Variants in GRIN2B observed in about 807,000 individuals in gnomAD.
The protein encoded by GRIN2B is glutamate ionotropic receptor NMDA type subunit 2B, also known as glutamate receptor ionotropic, NMDA 2B.
A neutral mutation model predicts 114.5 loss-of-function variants in GRIN2B; 5 were observed. That is an observed-to-expected ratio of 0.04 (90% CI 0.02 to 0.09). GRIN2B has a LOEUF of 0.09. Ranked by LOEUF, GRIN2B falls within the 10% of genes least tolerant of loss-of-function variation. The pLI, the probability that GRIN2B is intolerant of heterozygous loss-of-function variation, is 1.00. For missense variants in GRIN2B, 1,108 were observed against 1,943.5 expected, an observed-to-expected ratio of 0.57 and a Z score of 8.08; for synonymous variants, 787 against 745.1, an observed-to-expected ratio of 1.06 and a Z score of -0.92.
chr12:13,891,542 A>C (rs1404360348), intron 2 of GRIN2B, among the ~76,000 whole-genome samples: 1 of 152,192 alleles, frequency 6.6e-6, no homozygotes. Context: ...CATGGTTAAG[A>C]CTGTCAGCAG....
chr12:13,717,219 G>A (rs1162045652), intron 4 of GRIN2B, among the ~76,000 whole-genome samples: 2 of 151,546 alleles, frequency 1.3e-5, no homozygotes, highest in Non-Finnish European at 2.9e-5. Context: ...AAGTGGTTAT[G>A]AATCCCAGGA....
In GRIN2B at chr12:13,563,257, C is replaced by G. The variant is rs201670483; in HGVS notation, c.3981G>C (p.Lys1327Asn). 4 of 1,614,222 alleles carry G rather than the reference C, an allele frequency of 2.5e-6. No homozygotes were observed. Among genetic ancestry groups the G allele is most frequent in the Non-Finnish European group, 3.4e-6 (4 of 1,180,044 alleles). ...AGGGGCTCCCATCCATGAATCGGCCCTTGTCTTTCAGGCTTACGCTGCGCG... is the reference window on the plus strand; with the variant it reads ...AGGGGCTCCCATCCATGAATCGGCCGTTGTCTTTCAGGCTTACGCTGCGCG... ...LAPRSVSLKD[K>N]GRFMDGSPYA... The change falls in exon 14 of 14, where the codon AAG becomes AAC. Residue 1327 changes from lysine (K) to asparagine (N), a missense_variant. By Grantham distance (94) the Lys-to-Asn change is moderately conservative. Coordinates refer to ENST00000609686, the MANE Select transcript of GRIN2B (RefSeq NM_000834.5).
rs1950429904 is a variant in GRIN2B, at chr12:13,713,278, C to T, written c.1011-37419G>A. Among the ~76,000 whole-genome samples the T allele has an allele frequency of 2.0e-5, 3 of 151,826 alleles. 1 individual carries two copies. Among genetic ancestry groups the T allele is most frequent in the African/African-American group, 7.3e-5 (3 of 41,376 alleles). On this transcript the variant is annotated intron_variant, in intron 4 of 13. Coordinates refer to ENST00000609686, the MANE Select transcript of GRIN2B (RefSeq NM_000834.5). The stretch of plus-strand genomic sequence containing the variant: ...TTATGCTCCTAGCAGACATAATTAG[C>T]AGACACTGATGATGTCATTCCACCA...
intron 9 of GRIN2B, among the ~76,000 whole-genome samples, chr12:13,610,850 G>A (rs1949357929): frequency 6.6e-6 from 1 of 152,154 alleles, no homozygotes; most frequent in Admixed American, 6.5e-5. Context: ...TGAGGTCCAA[G>A]CACCTGTGTC....
chr12:13,764,176 T>C lies in GRIN2B; in HGVS notation c.412-10261A>G, dbSNP rs371585580. On this transcript the variant is annotated intron_variant, in intron 3 of 13. Transcript: ENST00000609686. ...AGAAAAGAGCCTATCCTTCTCTATA[T>C]CCATACCAAAAAAAAAAAAAAAAAG... Among the ~76,000 whole-genome samples, 271 of 123,730 alleles carry C rather than the reference T, an allele frequency of 2.2e-3. 1 individual carries two copies. The highest frequency in any genetic ancestry group is 8.3e-3 in the African/African-American group (253 of 30,570). 81.2% of individuals were successfully genotyped at this position (123,730 alleles called of 152,430 possible).
chr12:13,703,934 T>G (rs959240092), intron 4 of GRIN2B, among the ~76,000 whole-genome samples: 10 of 152,098 alleles, frequency 6.6e-5, no homozygotes, highest in African/African-American at 2.4e-4. Context: ...ATATACCCAG[T>G]ATACAGATTC....
intron 4 of GRIN2B, among the ~76,000 whole-genome samples, chr12:13,737,482 A>C (rs1241852941): frequency 6.6e-6 from 1 of 152,192 alleles, no homozygotes; most frequent in Admixed American, 6.5e-5. Context: ...AAATGCTGGG[A>C]TTACAGGCTT....
chr12:13,571,920 G>A lies in GRIN2B; in HGVS notation c.2055C>T (p.Thr685=), dbSNP rs375843467. 42 of 1,613,926 alleles carry A rather than the reference G, an allele frequency of 2.6e-5. No homozygotes were observed. Among genetic ancestry groups the A allele is most frequent in the South Asian group, 4.4e-5 (4 of 91,066 alleles). Residue 685 remains threonine, a synonymous_variant, in exon 11 of 14, where the codon ACC becomes ACT. Transcript: ENST00000609686. ...TTCTCTCTGTGCTGCCGTTGGGCAC[G>A]GTCCCAAAGCGGAAAGGGGGTGAGA... The part of the protein sequence containing the change: ...NDFSPPFRFG[T]VPNGSTERNI...
intron 2 of GRIN2B, among the ~76,000 whole-genome samples, chr12:13,885,808 G>T (rs1271084645): frequency 2.0e-5 from 3 of 152,204 alleles, no homozygotes; most frequent in Non-Finnish European, 4.4e-5. Flanking sequence ...GGAAATAAAG[G>T]TGGTAACGGT....
chr12:13,566,089 T>G (rs1948635592), intron 13 of GRIN2B, among the ~76,000 whole-genome samples: 1 of 152,134 alleles, frequency 6.6e-6, no homozygotes, highest in East Asian at 1.9e-4. Context: ...AGTTCCAGCC[T>G]CCTGTTCTGA....
chr12:13,787,176 C>T (rs1864236489), intron 3 of GRIN2B, among the ~76,000 whole-genome samples: 2 of 152,152 alleles, frequency 1.3e-5, no homozygotes, highest in African/African-American at 2.4e-5. Context: ...GGAGAAGTGG[C>T]CACTGAATAT....
At chr12:13,888,543 G>A (rs1351325194) in intron 2 of GRIN2B, among the ~76,000 whole-genome samples, 1 of 151,940 alleles carries the variant, frequency 6.6e-6, no homozygotes, top group African/African-American at 2.4e-5. Context: ...AGACCAGCCT[G>A]GCCAATGTGG....
At chr12:13,729,840 A>T (rs1053229460) in intron 4 of GRIN2B, among the ~76,000 whole-genome samples, 1 of 148,366 alleles carries the variant, frequency 6.7e-6, no homozygotes, top group Non-Finnish European at 1.5e-5. Flanking sequence ...TGGGAGGATA[A>T]GGGTGAGGAG....
At chr12:13,671,972 G>A (rs1447097496) in intron 5 of GRIN2B, among the ~76,000 whole-genome samples, 1 of 152,140 alleles carries the variant, frequency 6.6e-6, no homozygotes, top group Non-Finnish European at 1.5e-5. Flanking sequence ...GTTAGACAGT[G>A]TGACGGGGTG....
Position 13,546,344 on chromosome 12 carries a change from G to A in GRIN2B, c.*16439C>T, listed in dbSNP as rs1435277527. ...AATGCTTATCAATGTCTGTCTGGAAGAAAGCCTACGTCTCTTTCTAAAGCC... is the reference window on the plus strand; with the variant it reads ...AATGCTTATCAATGTCTGTCTGGAAAAAAGCCTACGTCTCTTTCTAAAGCC... On this transcript the variant is annotated 3_prime_UTR_variant, in exon 14 of 14. Coordinates refer to ENST00000609686, the MANE Select transcript of GRIN2B (RefSeq NM_000834.5). 1 of 152,218 alleles carries A rather than the reference G, an allele frequency of 6.6e-6. No homozygotes were observed. The highest frequency in any genetic ancestry group is 2.4e-5 in the African/African-American group (1 of 41,452). The allele number at this position is 152,218 out of a possible 1,614,324, so 9.4% of individuals were successfully genotyped here. A position where few individuals can be genotyped will look rare whatever the true frequency, so the allele number is the denominator to read the frequency against.
At chr12:13,589,001 C>G (rs1301422152) in intron 10 of GRIN2B, among the ~76,000 whole-genome samples, 1 of 152,186 alleles carries the variant, frequency 6.6e-6, no homozygotes, top group Non-Finnish European at 1.5e-5. Context: ...GAGAGTAGGG[C>G]TGTTTCAGCA....
At chr12:13,671,022 G>T (rs1393486775) in intron 5 of GRIN2B, among the ~76,000 whole-genome samples, 2 of 152,094 alleles carry the variant, frequency 1.3e-5, no homozygotes, top group African/African-American at 4.8e-5. Flanking sequence ...TAAGAAATTG[G>T]CAATAACAAT....
At position 13,555,644 on chromosome 12, in the gene GRIN2B, T is replaced by TGAAA. The variant is rs1296619702; in HGVS notation, c.*7135_*7138dup. On this transcript the variant is annotated 3_prime_UTR_variant, in exon 14 of 14. Transcript: ENST00000609686. ...TGGGAGAAAGGATGGAAAAGATGTG[T>TGAAA]GAAAGACAAGAGAAATCTAAAGGCA... 1.3e-5 allele frequency: 2 copies of TGAAA among 152,010 alleles called. No homozygotes were observed. The highest frequency in any genetic ancestry group is 4.8e-5 in the African/African-American group (2 of 41,358). The allele number at this position is 152,010 out of a possible 1,614,324, so 9.4% of individuals were successfully genotyped here. A position where few individuals can be genotyped will look rare whatever the true frequency, so the allele number is the denominator to read the frequency against.
At position 13,696,327 on chromosome 12, in the gene GRIN2B, A is replaced by C. The variant is rs193128180; in HGVS notation, c.1011-20468T>G. On this transcript the variant is annotated intron_variant, in intron 4 of 13. Transcript: ENST00000609686. ...ACCTTGGGAGCCCTCCTATCTTCAG[A>C]CATGAGAATACTAGCTTGGAGTTCT... Among the ~76,000 whole-genome samples the C allele has an allele frequency of 3.0e-3, 454 of 152,292 alleles. 4 individuals are homozygous for C. Among genetic ancestry groups the C allele is most frequent in the Non-Finnish European group, 4.2e-3 (283 of 68,020 alleles).
Sources: allele counts gnomAD v4.1 joint callset (sites outside exome capture counted in the v4.1 genomes callset), GRCh38; gene constraint gnomAD v4.1.1; transcripts MANE v1.5; gene names NCBI Gene and HGNC (gene_info 2026-07-23, HGNC 2026-07-21).